Variants in GSG1L observed in about 807,000 individuals in gnomAD.
GSG1L encodes GSG1 like, also known as germ cell-specific gene 1-like protein.
In GSG1L, 24 loss-of-function variants were observed where a neutral mutation model predicts 42.1. The observed-to-expected ratio is 0.57, with a 90% CI of 0.41 to 0.80. The LOEUF is 0.80. Among genes scored for constraint, GSG1L ranks in the 30% least tolerant of loss-of-function variants. The pLI is 0.00. For synonymous variants in GSG1L, 215 were observed against 203.5 expected, an observed-to-expected ratio of 1.06 and a Z score of -0.48; for missense variants, 445 against 472.2, an observed-to-expected ratio of 0.94 and a Z score of 0.53.
chr16:28,026,894 G>A (rs572011980), intron 1 of GSG1L, among the ~76,000 whole-genome samples: 3 of 152,068 alleles, frequency 2.0e-5, no homozygotes, highest in Non-Finnish European at 2.9e-5. Flanking sequence ...CCAGCCTGGC[G>A]AACATGGTGA....
chr16:28,035,210 G>T (rs112542911), intron 1 of GSG1L, among the ~76,000 whole-genome samples: 21 of 151,816 alleles, frequency 1.4e-4, no homozygotes, highest in African/African-American at 5.1e-4. Flanking sequence ...TTGTTTTAGC[G>T]GATGGGGTCT....
chr16:27,861,430 C>T (rs1015673262), intron 3 of GSG1L, among the ~76,000 whole-genome samples: 22 of 151,902 alleles, frequency 1.4e-4, no homozygotes, highest in South Asian at 6.3e-4. Context: ...GTCAACTCTG[C>T]GAGGGAAGAA....
At chr16:27,982,065 T>A (rs2141126488) in intron 1 of GSG1L, among the ~76,000 whole-genome samples, 1 of 152,292 alleles carries the variant, frequency 6.6e-6, no homozygotes, top group African/African-American at 2.4e-5. Flanking sequence ...TATGGAGTTA[T>A]TGCTAAGAAG....
chr16:27,889,444 G>A (rs1270269492), intron 2 of GSG1L, among the ~76,000 whole-genome samples: 1 of 152,138 alleles, frequency 6.6e-6, no homozygotes, highest in African/African-American at 2.4e-5. Context: ...ACAGTTATGA[G>A]GTCTTTATTA....
chr16:27,975,878 A>G (rs1476643665), intron 1 of GSG1L, among the ~76,000 whole-genome samples: 1 of 152,172 alleles, frequency 6.6e-6, no homozygotes, highest in East Asian at 1.9e-4. Flanking sequence ...CACAGACAAA[A>G]TCCCTGCCCT....
intron 2 of GSG1L, among the ~76,000 whole-genome samples, chr16:27,954,415 T>C (rs1291427021): frequency 3.9e-5 from 6 of 151,966 alleles, no homozygotes; most frequent in African/African-American, 9.7e-5. Context: ...CTTCAGAAAA[T>C]CCTTCAAATA....
chr16:27,831,407 T>C (rs2083273102), intron 4 of GSG1L, among the ~76,000 whole-genome samples: 1 of 152,226 alleles, frequency 6.6e-6, no homozygotes, highest in Non-Finnish European at 1.5e-5. Context: ...AGTTATTATA[T>C]GTTTACTTGC....
chr16:27,889,942 C>A (rs2084105037), intron 2 of GSG1L, among the ~76,000 whole-genome samples: 1 of 152,188 alleles, frequency 6.6e-6, no homozygotes, highest in Non-Finnish European at 1.5e-5. Context: ...TTGCAGACAA[C>A]AAAACTCAGC....
chr16:27,830,685 A>ATAGAT (rs2140968104), intron 4 of GSG1L, among the ~76,000 whole-genome samples: 1 of 152,308 alleles, frequency 6.6e-6, no homozygotes, highest in East Asian at 1.9e-4. Context: ...CCCACCATTC[A>ATAGAT]TAGATGACGG....
At chr16:28,007,748 T>C (rs2085661588) in intron 1 of GSG1L, among the ~76,000 whole-genome samples, 1 of 152,000 alleles carries the variant, frequency 6.6e-6, no homozygotes, top group Non-Finnish European at 1.5e-5. Context: ...ACTCCTGGGC[T>C]CAAGTGATCC....
intron 1 of GSG1L, among the ~76,000 whole-genome samples, chr16:28,005,738 G>A (rs913984390): frequency 1.3e-5 from 2 of 152,098 alleles, no homozygotes; most frequent in Non-Finnish European, 2.9e-5. Flanking sequence ...CTTCCTCAGA[G>A]GTGATTCTGA....
At chr16:27,930,407 C>T (rs1227803801) in intron 2 of GSG1L, among the ~76,000 whole-genome samples, 1 of 152,218 alleles carries the variant, frequency 6.6e-6, no homozygotes, top group East Asian at 1.9e-4. Flanking sequence ...CTTGTCACCA[C>T]TTAACACCAT....
At chr16:27,862,316 A>G (rs187055476) in intron 3 of GSG1L, among the ~76,000 whole-genome samples, 383 of 152,320 alleles carry the variant, frequency 2.5e-3, no homozygotes, top group Admixed American at 4.3e-3. Context: ...TCCAGCCAAC[A>G]GCCAGGAGAA....
At chr16:27,943,499 C>T (rs2084824198) in intron 2 of GSG1L, among the ~76,000 whole-genome samples, 1 of 146,940 alleles carries the variant, frequency 6.8e-6, no homozygotes, top group African/African-American at 2.5e-5. Flanking sequence ...AATTCGAAAA[C>T]AAATAAATCT....
intron 1 of GSG1L, among the ~76,000 whole-genome samples, chr16:28,036,211 C>T (rs759994956): frequency 3.5e-4 from 53 of 152,126 alleles, no homozygotes; most frequent in Non-Finnish European, 6.9e-4. Flanking sequence ...ACCACGTGGT[C>T]ACGCAGGAAG....
chr16:27,964,992 A>G (rs1202563485), intron 1 of GSG1L, among the ~76,000 whole-genome samples: 2 of 152,104 alleles, frequency 1.3e-5, no homozygotes, highest in African/African-American at 4.8e-5. Flanking sequence ...TACACCTACT[A>G]TGTACCCACA....
intron 1 of GSG1L, among the ~76,000 whole-genome samples, chr16:28,058,061 T>G (rs1229783477): frequency 6.6e-6 from 1 of 152,212 alleles, no homozygotes; most frequent in Non-Finnish European, 1.5e-5. Context: ...CCGGGGCTCG[T>G]GACTCCAGAT....
At position 27,844,037 on chromosome 16, in the gene GSG1L, G is replaced by A. The variant is rs146173000; in HGVS notation, c.662+913C>T. Reference sequence around the variant, plus strand: ...GCCAAGCTCAGATGACTATACAGAGGAAGAGAACTCAGCCCTTATGACCTC... The same window carrying A: ...GCCAAGCTCAGATGACTATACAGAGAAAGAGAACTCAGCCCTTATGACCTC... On this transcript the variant is annotated intron_variant, in intron 4 of 6. Transcript: ENST00000447459. Among the ~76,000 whole-genome samples the A allele has an allele frequency of 7.5e-3, 1,139 of 152,280 alleles. 14 individuals carry two copies. The highest frequency in any genetic ancestry group is 0.026 in the African/African-American group (1,074 of 41,564).
chr16:27,909,959 T>TTC (rs1491282120), intron 2 of GSG1L, among the ~76,000 whole-genome samples: 3 of 137,214 alleles, frequency 2.2e-5, no homozygotes, highest in African/African-American at 9.4e-5. Context: ...TTCTTTCTTT[T>TTC]TTTTTTTTTT....
Sources: allele counts gnomAD v4.1 joint callset (sites outside exome capture counted in the v4.1 genomes callset), GRCh38; gene constraint gnomAD v4.1.1; transcripts MANE v1.5; gene names NCBI Gene and HGNC (gene_info 2026-07-23, HGNC 2026-07-21).